The following EZH2 variants were observed in gnomAD, a reference collection of about 807,000 sequenced individuals.
The protein encoded by EZH2 is enhancer of zeste 2 polycomb repressive complex 2 subunit, also known as histone-lysine N-methyltransferase EZH2.
A neutral mutation model predicts 98.4 loss-of-function variants in EZH2; 18 were observed. The observed-to-expected ratio is 0.18, with a 90% CI of 0.13 to 0.27. The LOEUF is 0.27. EZH2 is among the 10% of genes least tolerant of loss of function. EZH2 has a pLI of 1.00. For synonymous variants in EZH2, 338 were observed against 312.3 expected (o/e 1.08, Z -0.87); for missense variants, 470 against 935.1 (o/e 0.50, Z 6.49).
rs372250774 is a variant in EZH2 at position 148,874,860 on chromosome 7, G to A, written c.-8+9304C>T. Among the ~76,000 whole-genome samples, 395 of 148,066 alleles carry A rather than the reference G, an allele frequency of 2.7e-3. 6 individuals are homozygous for A. Among genetic ancestry groups the A allele is most frequent in the East Asian group, 0.016 (80 of 5,044 alleles). On this transcript the variant is annotated intron_variant, in intron 1 of 19. Coordinates refer to ENST00000320356, the MANE Select transcript of EZH2 (RefSeq NM_004456.5). The stretch of plus-strand genomic sequence containing the variant: ...TGCAGTGAGCCGAGATCGCGCCACC[G>A]CACTCCAGCCTGGGGGACAGAGCAA...
At chr7:148,843,816 C>T (rs1033357123) in intron 3 of EZH2, among the ~76,000 whole-genome samples, 1 of 151,746 alleles carries the variant, frequency 6.6e-6, no homozygotes, top group African/African-American at 2.4e-5. Context: ...AGGATGGTCT[C>T]GATCTCCTGA....
chr7:148,870,517 C>T (rs1484833777), intron 1 of EZH2, among the ~76,000 whole-genome samples: 2 of 152,018 alleles, frequency 1.3e-5, no homozygotes, highest in Admixed American at 6.6e-5. Flanking sequence ...GCCGGGGCAA[C>T]ATGGCGAAAC....
intron 8 of EZH2, among the ~76,000 whole-genome samples, chr7:148,825,209 AT>A (rs1192020818): frequency 4.6e-5 from 7 of 152,238 alleles, no homozygotes; most frequent in Admixed American, 4.6e-4. Context: ...GATGTAATTC[AT>A]AAATTCATGG....
chr7:148,835,572 C>G (rs1045041748), intron 3 of EZH2, among the ~76,000 whole-genome samples: 1 of 151,824 alleles, frequency 6.6e-6, no homozygotes, highest in Non-Finnish European at 1.5e-5. Context: ...ACCGAATATA[C>G]TGAATATAAT....
chr7:148,873,459 G>T (rs7458365), intron 1 of EZH2, among the ~76,000 whole-genome samples: 24,516 of 135,936 alleles, frequency 0.18, 2,344 homozygotes, highest in East Asian at 0.27. Flanking sequence ...GCCACTGCAC[G>T]CCAGCCTGGG....
In EZH2 at chr7:148,843,880, C is replaced by T. The variant is rs113964357; in HGVS notation, c.246+2590G>A. On this transcript the variant is annotated intron_variant, in intron 3 of 19. Transcript: ENST00000320356. ...AAAGTGCTGGGATTACAGGCGTGAGCCACCGCGCCCGGCCAAATGGGAGTA... is the reference window on the plus strand; with the variant it reads ...AAAGTGCTGGGATTACAGGCGTGAGTCACCGCGCCCGGCCAAATGGGAGTA... Among the ~76,000 whole-genome samples, 616 of 152,216 alleles carry T rather than the reference C, an allele frequency of 4.0e-3. 2 individuals are homozygous for T. Among genetic ancestry groups the T allele is most frequent in the African/African-American group, 0.014 (579 of 41,506 alleles).
rs1814403036 is a variant in EZH2 at position 148,847,295 on chromosome 7, C to T, written c.4G>A (p.Gly2Ser). MGQTGKKSEKGP... is the reference protein window; with the variant it reads MSQTGKKSEKGP... ...TTCTCAGATTTCTTCCCAGTCTGGC[C>T]CATGATTATTCTAAAAGCAATGGTT... Residue 2 changes from glycine to serine, a missense_variant, in exon 2 of 20, where the codon GGC becomes AGC. By Grantham distance (56) the Gly-to-Ser change is moderately conservative. Around this residue, in one of 6 missense-constraint regions of EZH2, gnomAD observed 79 missense variants for 122.1 expected, o/e 0.65. Coordinates refer to ENST00000320356, the MANE Select transcript of EZH2 (RefSeq NM_004456.5). 1 of 1,613,408 alleles carries T rather than the reference C, an allele frequency of 6.2e-7. No individual in the cohort carries two copies. The highest frequency in any genetic ancestry group is 1.1e-5 in the South Asian group (1 of 90,974).
chr7:148,816,509 T>C (rs1054644244), intron 12 of EZH2, among the ~76,000 whole-genome samples, 175 bp downstream of exon 12: 2 of 152,254 alleles, frequency 1.3e-5, no homozygotes, highest in African/African-American at 2.4e-5. Flanking sequence ...TGTATTCTTA[T>C]AGAAAAATAC....
chr7:148,819,431 G>A (rs181004545), intron 9 of EZH2, among the ~76,000 whole-genome samples, 165 bp downstream of exon 9: 173 of 152,340 alleles, frequency 1.1e-3, no homozygotes, highest in African/African-American at 3.9e-3. Context: ...ACTAAAATGT[G>A]CAGTACATGA....
chr7:148,808,472 T>G (rs988611704), intron 19 of EZH2, among the ~76,000 whole-genome samples: 3 of 152,362 alleles, frequency 2.0e-5, no homozygotes, highest in African/African-American at 7.2e-5. Context: ...CTGTATTCAA[T>G]GGCTGACTTA....
chr7:148,843,228 A>T (rs1563011100), intron 3 of EZH2, among the ~76,000 whole-genome samples: 1 of 149,510 alleles, frequency 6.7e-6, no homozygotes, highest in East Asian at 1.9e-4. Flanking sequence ...AAAAAAAAAA[A>T]TTAGCCCGAT....
chr7:148,878,814 G>A (rs768291432), intron 1 of EZH2, among the ~76,000 whole-genome samples: 19 of 152,190 alleles, frequency 1.2e-4, no homozygotes, highest in Middle Eastern at 3.4e-3. Context: ...TGGAAGGATC[G>A]CTTGAGCCCA....
intron 1 of EZH2, among the ~76,000 whole-genome samples, chr7:148,860,321 T>C (rs1689408797): frequency 1.5e-5 from 2 of 136,810 alleles, no homozygotes; most frequent in South Asian, 4.7e-4. Flanking sequence ...TTGACAGCAG[T>C]GGGCATAGAA....
At chr7:148,814,782 T>C in intron 14 of EZH2, 132 bp downstream of exon 14, 1 of 1,145,858 alleles carries the variant, frequency 8.7e-7, no homozygotes, top group Non-Finnish European at 1.2e-6. Flanking sequence ...GCTCAATAAA[T>C]ACTTGTCAAA....
At chr7:148,828,678 C>G (rs1174347814) in intron 6 of EZH2, 62 bp downstream of exon 6, 1 of 1,561,830 alleles carries the variant, frequency 6.4e-7, no homozygotes, top group Non-Finnish European at 8.6e-7. Context: ...TATTTCTACT[C>G]TTTCTACTGT....
At chr7:148,820,018 T>C (rs564361417) in intron 8 of EZH2, among the ~76,000 whole-genome samples, 2 of 152,228 alleles carry the variant, frequency 1.3e-5, no homozygotes, top group Non-Finnish European at 2.9e-5. Flanking sequence ...GTCTAAGCAG[T>C]TGATAGACCC....
chr7:148,832,482 C>G, intron 4 of EZH2, 152 bp downstream of exon 4: 1 of 518,168 alleles, frequency 1.9e-6, no homozygotes, highest in Non-Finnish European at 3.4e-6. Context: ...AAAAAACTAC[C>G]TTAATCAATT....
chr7:148,821,655 T>G (rs1482240064), intron 8 of EZH2, among the ~76,000 whole-genome samples: 1 of 152,050 alleles, frequency 6.6e-6, no homozygotes, highest in African/African-American at 2.4e-5. Context: ...TGAGACCCTA[T>G]CTCAAAAAAA....
intron 1 of EZH2, among the ~76,000 whole-genome samples, chr7:148,852,801 C>A (rs1370450783): frequency 2.0e-5 from 3 of 152,118 alleles, no homozygotes; most frequent in South Asian, 2.1e-4. Flanking sequence ...AAATTCCCAT[C>A]TTTTTTTTCT....
Sources: allele counts gnomAD v4.1 joint callset (sites outside exome capture counted in the v4.1 genomes callset), GRCh38; gene constraint gnomAD v4.1.1; regional missense constraint gnomAD v4.1.1; transcripts MANE v1.5; gene names NCBI Gene and HGNC (gene_info 2026-07-23, HGNC 2026-07-21).